Variants in DDX17 observed in about 807,000 individuals in gnomAD.
DDX17 encodes the protein DEAD-box helicase 17.
Under a neutral mutation model 80.8 loss-of-function variants are expected in DDX17, and 10 were observed. The observed-to-expected ratio is 0.12, with a 90% confidence interval of 0.08 to 0.21. DDX17 has a LOEUF of 0.21. Ranked by LOEUF, DDX17 falls within the 10% of genes least tolerant of loss-of-function variation. The pLI is 1.00. For synonymous variants in DDX17, 339 were observed against 336.2 expected, an observed-to-expected ratio of 1.01 and a Z score of -0.09; for missense variants, 586 against 957.4, an observed-to-expected ratio of 0.61 and a Z score of 5.12.
At position 38,505,967 on chromosome 22, in the gene DDX17, C is replaced by T. The variant is rs780881333; in HGVS notation, c.271G>A (p.Asp91Asn). 6.3e-7 allele frequency: 1 copy of T among 1,584,672 alleles called. No individual in the cohort carries two copies. The highest frequency in any genetic ancestry group is 8.6e-7 in the Non-Finnish European group (1 of 1,165,652). The change falls in exon 1 of 13, where the codon GAT (aspartate) becomes AAT (asparagine). Residue 91 changes from aspartate (D) to asparagine (N), a missense_variant. Physicochemically the swap from Asp to Asn is conservative, Grantham distance 23 (BLOSUM62 1). Around this residue, in one of 4 missense-constraint regions of DDX17, gnomAD observed 215 missense variants for 238.4 expected, o/e 0.90. Transcript: ENST00000403230. ...CACCCTTACCCTCCACGGTCACGATCCCGGTCCCGGTCCCCAAAGCCTCCT... is the reference window on the plus strand; with the variant it reads ...CACCCTTACCCTCCACGGTCACGATTCCGGTCCCGGTCCCCAAAGCCTCCT...
chr22:38,492,495 CTTTT>C (rs1479577325), intron 10 of DDX17, among the ~76,000 whole-genome samples: 1 of 151,866 alleles, frequency 6.6e-6, no homozygotes, highest in Non-Finnish European at 1.5e-5. Context: ...ATTTTTCTTT[CTTTT>C]TTTTGAGATG....
At position 38,486,239 on chromosome 22, in the gene DDX17, T is replaced by G. The variant is rs1358652003; in HGVS notation, c.1886A>C (p.Gln629Pro). The change falls in exon 13 of 13, where the codon CAA (glutamine) becomes CCA (proline). Residue 629 changes from glutamine (Q) to proline (P), a missense_variant. Around this residue, in one of 4 missense-constraint regions of DDX17, gnomAD observed 221 missense variants for 261.4 expected, o/e 0.85. Transcript: ENST00000403230. ...TTGACCATAGGTGTATTGGCCTGCT[T>G]GTGCTCCAAAGGCAGAATTTGGACT... The G allele has an allele frequency of 6.2e-7, 1 of 1,614,200 alleles. No individual in the cohort carries two copies. The highest frequency in any genetic ancestry group is 1.7e-5 in the Admixed American group (1 of 60,012).
At chr22:38,488,472 A>G (rs2089683633) in intron 11 of DDX17, 3 of 1,122,870 alleles carry the variant, frequency 2.7e-6, no homozygotes, top group Middle Eastern at 4.1e-4. Flanking sequence ...TTACAAAACC[A>G]GAACATAGAA....
At chr22:38,491,976 T>C (rs548960790) in intron 11 of DDX17, 80 bp downstream of exon 11, 2 of 1,043,682 alleles carry the variant, frequency 1.9e-6, no homozygotes, top group East Asian at 2.7e-5. Flanking sequence ...CTTTCTAAAC[T>C]TGAAGTCTGA....
chr22:38,487,801 C>T, intron 12 of DDX17, 78 bp downstream of exon 12: 1 of 1,475,514 alleles, frequency 6.8e-7, no homozygotes, highest in Non-Finnish European at 9.5e-7. Flanking sequence ...TTCTTAAAAA[C>T]AGCAACTAAA....
In DDX17 at chr22:38,484,866, TAA is replaced by T. The variant is rs1023003810; in HGVS notation, c.*1067_*1068del. On this transcript the variant is annotated 3_prime_UTR_variant, in exon 13 of 13. Coordinates refer to ENST00000403230, the MANE Select transcript of DDX17 (RefSeq NM_006386.5). ...TGCAGAGAACAGGGTATGAAGAAAATAAAGAGTTCTTAATAAACCCTTAAGAT... is the reference window on the plus strand; with the variant it reads ...TGCAGAGAACAGGGTATGAAGAAAATAGAGTTCTTAATAAACCCTTAAGAT... 6 of 152,278 alleles carry T rather than the reference TAA, an allele frequency of 3.9e-5. No homozygotes were observed. Among genetic ancestry groups the T allele is most frequent in the African/African-American group, 9.6e-5 (4 of 41,560 alleles). The allele number at this position is 152,278 out of a possible 1,614,324, so 9.4% of individuals were successfully genotyped here.
intron 6 of DDX17, among the ~76,000 whole-genome samples, chr22:38,495,309 G>A (rs1444410466): frequency 1.4e-5 from 2 of 143,024 alleles, no homozygotes; most frequent in Admixed American, 7.3e-5. Flanking sequence ...GCAGTGGCAC[G>A]ATCTCGGCTC....
At chr22:38,501,870 G>C (rs1032722605) in intron 1 of DDX17, among the ~76,000 whole-genome samples, 23 of 152,208 alleles carry the variant, frequency 1.5e-4, no homozygotes, top group African/African-American at 5.3e-4. Context: ...ACAGACACAA[G>C]TCTCTATTTT....
At position 38,484,276 on chromosome 22, in the gene DDX17, GAAGA is replaced by G. The variant is rs1479690385; in HGVS notation, c.*1655_*1658del. 1 of 152,174 alleles carries G rather than the reference GAAGA, an allele frequency of 6.6e-6. No individual in the cohort carries two copies. The highest frequency in any genetic ancestry group is 2.4e-5 in the African/African-American group (1 of 41,260). 9.4% of individuals were successfully genotyped at this position (152,174 alleles called of 1,614,324 possible). The stretch of plus-strand genomic sequence containing the variant: ...GGGACAAAAAGAGAAGTAAAGTTAA[GAAGA>G]AAGTGGAAAATTAAAAAAAAAGATG... On this transcript the variant is annotated 3_prime_UTR_variant, in exon 13 of 13. Transcript: ENST00000403230.
chr22:38,495,979 T>TAAAAAAAAAAAAAAAA (rs201173235), intron 5 of DDX17, 42 bp from the exon 6 acceptor site: 1 of 761,464 alleles, frequency 1.3e-6, no homozygotes, highest in African/African-American at 2.2e-5. Context: ...ATCCAAGGTT[T>TAAAAAAAAAAAAAAAA]AAAAAAAAAA....
intron 11 of DDX17, chr22:38,488,913 G>T: frequency 4.1e-6 from 4 of 985,258 alleles, no homozygotes; most frequent in Non-Finnish European, 3.6e-6. Flanking sequence ...TACGTGACCT[G>T]GGAAATTAAA....
At chr22:38,487,487 C>T (rs1254649614) in intron 12 of DDX17, among the ~76,000 whole-genome samples, 3 of 152,006 alleles carry the variant, frequency 2.0e-5, no homozygotes, top group Non-Finnish European at 2.9e-5. Flanking sequence ...GGTGTGCTGG[C>T]GGGTGCCTGT....
At chr22:38,487,719 T>C (rs1468322688) in intron 12 of DDX17, among the ~76,000 whole-genome samples, 160 bp downstream of exon 12, 1 of 152,080 alleles carries the variant, frequency 6.6e-6, no homozygotes, top group Non-Finnish European at 1.5e-5. Context: ...AAACTTCACG[T>C]TTTCTTAGTT....
In DDX17 at chr22:38,485,857, G is replaced by T; in HGVS notation, c.*78C>A. ...AAAAAAGGAAAAAAAAAGAAAAGGC[G>T]AAGAGGAAAAAAAAAGGAAAGACAG... is the stretch of plus-strand genomic sequence containing the variant. On this transcript the variant is annotated 3_prime_UTR_variant, in exon 13 of 13. Transcript: ENST00000403230. The T allele has an allele frequency of 6.9e-7, 1 of 1,458,900 alleles. No homozygotes were observed. The highest frequency in any genetic ancestry group is 9.0e-7 in the Non-Finnish European group (1 of 1,108,698). 90.4% of individuals were successfully genotyped at this position (1,458,900 alleles called of 1,614,324 possible).
At chr22:38,490,441 T>TA in intron 11 of DDX17, 1 of 1,289,172 alleles carries the variant, frequency 7.8e-7, no homozygotes. Context: ...AAGCTTCTGT[T>TA]AAAAAACAAA....
In DDX17 at chr22:38,485,694, ATT is replaced by A. The variant is rs60461740; in HGVS notation, c.*239_*240del. 0.81 allele frequency: 118,271 copies of A among 146,812 alleles called. 48,763 individuals are homozygous for A. Among genetic ancestry groups the A allele is most frequent in the Non-Finnish European group, 0.87 (60,934 of 70,014 alleles). 9.1% of individuals were successfully genotyped at this position (146,812 alleles called of 1,614,324 possible). Reference sequence around the variant, plus strand: ...CAGTCAGCTATATATATATATATATATTTTTTTTTTTTTTACAAAATGTTATT... The same window carrying A: ...CAGTCAGCTATATATATATATATATATTTTTTTTTTTTACAAAATGTTATT... On this transcript the variant is annotated 3_prime_UTR_variant, in exon 13 of 13. Coordinates refer to ENST00000403230, the MANE Select transcript of DDX17 (RefSeq NM_006386.5).
chr22:38,491,893 G>A (rs2089717529), intron 11 of DDX17, 163 bp downstream of exon 11: 4 of 464,986 alleles, frequency 8.6e-6, no homozygotes, highest in South Asian at 3.8e-5. Context: ...ATTGTGGGGG[G>A]GGCAGGGAAT....
In DDX17 at chr22:38,489,959, C is replaced by T. The variant is rs1039543202; in HGVS notation, c.1448-1844G>A. 19 of 1,010,520 alleles carry T rather than the reference C, an allele frequency of 1.9e-5. No homozygotes were observed. The highest frequency in any genetic ancestry group is 1.2e-4 in the African/African-American group (7 of 57,710). 62.6% of individuals were successfully genotyped at this position (1,010,520 alleles called of 1,614,324 possible). A position where few individuals can be genotyped will look rare whatever the true frequency, so the allele number is the denominator to read the frequency against. On this transcript the variant is annotated intron_variant, in intron 11 of 12. Transcript: ENST00000403230. This position sits in a 1 kb window ranked among gnomAD's most constrained non-coding sequence, Gnocchi z 4.6. ...ACAAGTTCAATTACTACACTGGATG[C>T]GTTAAGTGTGCTTTCCTAGCAGAAA... is the stretch of plus-strand genomic sequence containing the variant.
chr22:38,491,411 T>G (rs2089712506), intron 11 of DDX17: 1 of 152,160 alleles, frequency 6.6e-6, no homozygotes, highest in Admixed American at 6.5e-5. Flanking sequence ...TAAAATTCTC[T>G]GTATATCTTA....
Sources: gnomAD v4.1 joint callset for allele counts (sites outside exome capture counted in the v4.1 genomes callset) on GRCh38, gnomAD v4.1.1 for gene constraint, gnomAD v4.1.1 regional missense constraint, Gnocchi (gnomAD v3.1) non-coding constraint, MANE v1.5 for transcripts, NCBI Gene and HGNC (gene_info 2026-07-23, HGNC 2026-07-21) for gene names.